The following OR9Q1 variants were observed in gnomAD, a reference collection of about 807,000 sequenced individuals.
OR9Q1 encodes olfactory receptor family 9 subfamily Q member 1, also known as olfactory receptor 9Q1.
For synonymous variants in OR9Q1, 153 were observed against 148.6 expected (o/e 1.03, Z -0.22); for missense variants, 374 against 378.8 (o/e 0.99, Z 0.11).
chr11:58,098,988 T>C lies in OR9Q1; in HGVS notation c.-15+43041T>C. On this transcript the variant is annotated intron_variant, in intron 2 of 2. Coordinates refer to ENST00000335397, the MANE Select transcript of OR9Q1 (RefSeq NM_001005212.4). ...ATTTAGGAGTGTGTTGTTCAATTTC[T>C]TTTTGTTATTAATTACTTGTATTAC... is the stretch of plus-strand genomic sequence containing the variant. Among the ~76,000 whole-genome samples, 2 of 152,198 alleles carry C rather than the reference T, an allele frequency of 1.3e-5. 1 individual carries two copies. Among genetic ancestry groups the C allele is most frequent in the South Asian group, 4.1e-4 (2 of 4,828 alleles).
chr11:58,119,700 A>G (rs1294440912), intron 2 of OR9Q1, among the ~76,000 whole-genome samples: 1 of 152,196 alleles, frequency 6.6e-6, no homozygotes, highest in Non-Finnish European at 1.5e-5. Flanking sequence ...TGTAAAGATA[A>G]GAGGCATACA....
chr11:58,035,486 A>G (rs1853092832), intron 1 of OR9Q1, among the ~76,000 whole-genome samples: 1 of 152,224 alleles, frequency 6.6e-6, no homozygotes, highest in African/African-American at 2.4e-5. Flanking sequence ...GCTTAAAAAG[A>G]CAATTATAAT....
At chr11:58,043,941 C>A (rs1853191336) in intron 1 of OR9Q1, among the ~76,000 whole-genome samples, 1 of 152,272 alleles carries the variant, frequency 6.6e-6, no homozygotes, top group African/African-American at 2.4e-5. Flanking sequence ...GGTACCCTTG[C>A]ACCCAGCACA....
intron 2 of OR9Q1, among the ~76,000 whole-genome samples, chr11:58,067,209 T>A (rs540134597): frequency 6.6e-6 from 1 of 152,106 alleles, no homozygotes; most frequent in Non-Finnish European, 1.5e-5. Context: ...TTTTTTTGTG[T>A]GTGTTTTTAG....
At chr11:58,138,489 T>C (rs1326862404) in intron 2 of OR9Q1, among the ~76,000 whole-genome samples, 2 of 152,208 alleles carry the variant, frequency 1.3e-5, no homozygotes, top group Non-Finnish European at 2.9e-5. Context: ...GTAATAATTT[T>C]GGATATGAAT....
At chr11:58,053,628 A>T (rs796680349) in intron 1 of OR9Q1, among the ~76,000 whole-genome samples, 121 of 27,390 alleles carry the variant, frequency 4.4e-3, no homozygotes, top group East Asian at 0.016. Context: ...TATATATATA[A>T]AATATATATA....
intron 1 of OR9Q1, among the ~76,000 whole-genome samples, chr11:58,040,303 AC>A (rs147180686): frequency 0.14 from 21,139 of 152,172 alleles, 1,779 homozygotes; most frequent in South Asian, 0.22. Context: ...TATCACAACA[AC>A]CCGAAGATGA....
At chr11:58,093,272 A>T (rs1853700574) in intron 2 of OR9Q1, among the ~76,000 whole-genome samples, 1 of 152,236 alleles carries the variant, frequency 6.6e-6, no homozygotes, top group Admixed American at 6.5e-5. Flanking sequence ...TGCATCTGAC[A>T]GAGGACTAAT....
At chr11:58,131,752 A>G (rs1042101553) in intron 2 of OR9Q1, among the ~76,000 whole-genome samples, 5 of 152,124 alleles carry the variant, frequency 3.3e-5, no homozygotes, top group African/African-American at 7.2e-5. Context: ...ATGGTGTTCA[A>G]TGCCCCCAAC....
intron 2 of OR9Q1, among the ~76,000 whole-genome samples, chr11:58,100,663 G>A (rs1171447017): frequency 6.6e-6 from 1 of 151,310 alleles, no homozygotes; most frequent in African/African-American, 2.4e-5. Flanking sequence ...TATAGTTTGT[G>A]TCTACTGAAA....
chr11:58,024,328 G>T (rs1385571892), intron 1 of OR9Q1, among the ~76,000 whole-genome samples: 1 of 151,764 alleles, frequency 6.6e-6, no homozygotes, highest in Non-Finnish European at 1.5e-5. Context: ...CACCCACTGC[G>T]CCTGCTCACC....
intron 2 of OR9Q1, among the ~76,000 whole-genome samples, chr11:58,095,559 C>G (rs1853722519): frequency 6.6e-6 from 1 of 152,172 alleles, no homozygotes; most frequent in Non-Finnish European, 1.5e-5. Context: ...GAAGGGGAAG[C>G]AAACATGTCT....
intron 1 of OR9Q1, among the ~76,000 whole-genome samples, chr11:58,029,658 T>C (rs1853010515): frequency 6.6e-6 from 1 of 152,214 alleles, no homozygotes; most frequent in African/African-American, 2.4e-5. Context: ...GATTCACTCA[T>C]GGTCACATAT....
chr11:58,070,808 A>G (rs1013651036), intron 2 of OR9Q1, among the ~76,000 whole-genome samples: 5 of 152,246 alleles, frequency 3.3e-5, no homozygotes, highest in African/African-American at 1.2e-4. Context: ...CCTGCCTCAC[A>G]TTCCATCTGG....
chr11:58,067,537 A>T (rs1853441681), intron 2 of OR9Q1, among the ~76,000 whole-genome samples: 1 of 152,152 alleles, frequency 6.6e-6, no homozygotes, highest in African/African-American at 2.4e-5. Context: ...GGACTCTGAG[A>T]CAAACACAGT....
At chr11:58,179,403 A>C in intron 2 of OR9Q1, 28 bp from the exon 3 acceptor site, 1 of 1,354,962 alleles carries the variant, frequency 7.4e-7, no homozygotes, top group Non-Finnish European at 1.0e-6. Context: ...GCACCTTCCT[A>C]ACTTGCTTCC....
At chr11:58,164,261 T>C (rs916912877) in intron 2 of OR9Q1, among the ~76,000 whole-genome samples, 4 of 152,136 alleles carry the variant, frequency 2.6e-5, no homozygotes, top group Non-Finnish European at 5.9e-5. Context: ...AAATTATGAT[T>C]ATTTCATATT....
At chr11:58,139,290 T>G (rs950909631) in intron 2 of OR9Q1, among the ~76,000 whole-genome samples, 3 of 151,956 alleles carry the variant, frequency 2.0e-5, no homozygotes, top group African/African-American at 7.3e-5. Context: ...GCTGTTTTTT[T>G]TTTTTATTAT....
chr11:58,157,424 C>T (rs1854417762), intron 2 of OR9Q1, among the ~76,000 whole-genome samples: 1 of 152,166 alleles, frequency 6.6e-6, no homozygotes. Context: ...CTGTCTATTT[C>T]CCCAATCGGA....
Sources: gnomAD v4.1 joint callset for allele counts (sites outside exome capture counted in the v4.1 genomes callset) on GRCh38, gnomAD v4.1.1 for gene constraint, MANE v1.5 for transcripts, NCBI Gene and HGNC (gene_info 2026-07-23, HGNC 2026-07-21) for gene names.